Variants in PTPRT observed in about 807,000 individuals in gnomAD.
PTPRT encodes the protein protein tyrosine phosphatase receptor type T.
A neutral mutation model predicts 176.8 loss-of-function variants in PTPRT; 56 were observed. The observed-to-expected ratio is 0.32, with a 90% CI of 0.26 to 0.40. The LOEUF (loss-of-function observed/expected upper bound fraction) is 0.40, where lower values mean the gene tolerates loss of function less well. Among genes scored for constraint, PTPRT ranks in the 10% least tolerant of loss-of-function variants. The probability of loss-of-function intolerance (pLI) is 1.00; values close to 1 mark genes in which losing one functional copy is unlikely to be tolerated. For synonymous variants in PTPRT, 783 were observed against 739.0 expected, an observed-to-expected ratio of 1.06 and a Z score of -0.96; for missense variants, 1,540 against 1,908.2, an observed-to-expected ratio of 0.81 and a Z score of 3.60.
chr20:42,254,713 G>A (rs1268957731), intron 13 of PTPRT, among the ~76,000 whole-genome samples: 3 of 152,094 alleles, frequency 2.0e-5, no homozygotes, highest in East Asian at 1.9e-4. Context: ...CTTTCAATGC[G>A]GCATCATGTT....
intron 1 of PTPRT, among the ~76,000 whole-genome samples, chr20:43,103,360 G>A (rs1305373448): frequency 6.6e-6 from 1 of 152,158 alleles, no homozygotes; most frequent in African/African-American, 2.4e-5. Context: ...AAGTACAATA[G>A]GAACCTACAC....
chr20:43,166,819 G>C (rs1191429429), intron 1 of PTPRT, among the ~76,000 whole-genome samples: 6 of 152,180 alleles, frequency 3.9e-5, no homozygotes, highest in Non-Finnish European at 5.9e-5. Flanking sequence ...CAACACCGGG[G>C]TTATAAATGA....
intron 19 of PTPRT, among the ~76,000 whole-genome samples, chr20:42,122,901 G>C (rs1000657222): frequency 5.9e-5 from 9 of 152,162 alleles, no homozygotes; most frequent in African/African-American, 2.2e-4. Flanking sequence ...CATGCACCCT[G>C]TGCTTCAGCC....
At chr20:43,172,549 G>A (rs2015028238) in intron 1 of PTPRT, among the ~76,000 whole-genome samples, 1 of 152,138 alleles carries the variant, frequency 6.6e-6, no homozygotes, top group African/African-American at 2.4e-5. Context: ...AGGACAATTG[G>A]TCACCCCAGC....
intron 1 of PTPRT, among the ~76,000 whole-genome samples, chr20:42,978,283 T>C (rs562904088): frequency 1.3e-5 from 2 of 152,338 alleles, no homozygotes; most frequent in South Asian, 2.1e-4. Context: ...ATCTTTCTCT[T>C]TATCTCTCTT....
At chr20:42,902,605 C>A (rs1160125476) in intron 1 of PTPRT, among the ~76,000 whole-genome samples, 1 of 152,156 alleles carries the variant, frequency 6.6e-6, no homozygotes, top group East Asian at 1.9e-4. Flanking sequence ...CCATTAGATG[C>A]CAGGTACTTT....
chr20:42,645,560 C>T (rs1034651682), intron 7 of PTPRT, among the ~76,000 whole-genome samples: 2 of 152,066 alleles, frequency 1.3e-5, no homozygotes, highest in Non-Finnish European at 2.9e-5. Flanking sequence ...GGGAACCCAA[C>T]ATAACACATG....
chr20:42,369,595 G>T (rs1439587068), intron 9 of PTPRT, among the ~76,000 whole-genome samples: 2 of 152,200 alleles, frequency 1.3e-5, no homozygotes, highest in African/African-American at 4.8e-5. Context: ...CCCAGAGATA[G>T]TGGGGGCCAG....
At chr20:42,777,384 C>T (rs992299523) in intron 4 of PTPRT, among the ~76,000 whole-genome samples, 1 of 152,168 alleles carries the variant, frequency 6.6e-6, no homozygotes, top group Non-Finnish European at 1.5e-5. Context: ...AGCACCCCTC[C>T]ACCAAATCAC....
intron 2 of PTPRT, among the ~76,000 whole-genome samples, chr20:42,878,253 T>C (rs1277956380): frequency 1.3e-5 from 2 of 152,172 alleles, no homozygotes; most frequent in African/African-American, 4.8e-5. Flanking sequence ...TGGGAAACTA[T>C]GAAACCTTTA....
At chr20:43,077,453 C>T (rs149388958) in intron 1 of PTPRT, among the ~76,000 whole-genome samples, 1 of 152,250 alleles carries the variant, frequency 6.6e-6, no homozygotes, top group African/African-American at 2.4e-5. Context: ...TGGAGTATAG[C>T]GGTGTGGATC....
rs991390862 is a variant in PTPRT at position 42,337,795 on chromosome 20, C to T, written c.1865+12833G>A. Among the ~76,000 whole-genome samples, 29 of 152,152 alleles carry T rather than the reference C, an allele frequency of 1.9e-4. 1 individual carries two copies. The highest frequency in any genetic ancestry group is 1.8e-3 in the Admixed American group (28 of 15,276). The stretch of plus-strand genomic sequence containing the variant: ...TTACTGTCTTACAGGCACAAAATAC[C>T]AGCTTGGAAAATGGTTGAGACTTTG... On this transcript the variant is annotated intron_variant, in intron 11 of 30. Coordinates refer to ENST00000373187, the MANE Select transcript of PTPRT (RefSeq NM_007050.6).
intron 9 of PTPRT, among the ~76,000 whole-genome samples, chr20:42,444,136 T>C (rs1467394): frequency 0.2 from 29,809 of 152,148 alleles, 3,761 homozygotes; most frequent in African/African-American, 0.35. Context: ...CTGTCCTCTG[T>C]GCTCAGGAGG....
intron 12 of PTPRT, among the ~76,000 whole-genome samples, chr20:42,295,968 C>A (rs1484925285): frequency 1.3e-5 from 2 of 152,222 alleles, no homozygotes; most frequent in Admixed American, 6.5e-5. Flanking sequence ...TTTCCTGAGG[C>A]CTCCCCAGCC....
At chr20:42,489,256 C>A (rs1324848292) in intron 7 of PTPRT, among the ~76,000 whole-genome samples, 1 of 152,058 alleles carries the variant, frequency 6.6e-6, no homozygotes, top group Non-Finnish European at 1.5e-5. Context: ...TTGTTCCAGG[C>A]ACATGGTCAG....
At chr20:42,696,705 T>G (rs893582783) in intron 6 of PTPRT, among the ~76,000 whole-genome samples, 2 of 152,040 alleles carry the variant, frequency 1.3e-5, no homozygotes, top group African/African-American at 4.8e-5. Context: ...TCCACCTGCT[T>G]TGGCCTTCCG....
At chr20:42,559,630 A>G (rs1265120696) in intron 7 of PTPRT, among the ~76,000 whole-genome samples, 1 of 152,162 alleles carries the variant, frequency 6.6e-6, no homozygotes, top group Non-Finnish European at 1.5e-5. Context: ...AGTCTCTTCC[A>G]TTGATGCTCT....
chr20:42,316,255 CCTT>C (rs1172608729), intron 11 of PTPRT, among the ~76,000 whole-genome samples: 4 of 152,192 alleles, frequency 2.6e-5, no homozygotes, highest in African/African-American at 9.6e-5. Flanking sequence ...GTCTGCTCCT[CCTT>C]CTACATTTCC....
At chr20:42,965,488 T>C (rs888479990) in intron 1 of PTPRT, among the ~76,000 whole-genome samples, 8 of 152,240 alleles carry the variant, frequency 5.3e-5, no homozygotes, top group Admixed American at 5.2e-4. Context: ...ATAGTGTATA[T>C]AGTTGTAGGT....
Sources: gnomAD v4.1 joint callset for allele counts (sites outside exome capture counted in the v4.1 genomes callset) on GRCh38, gnomAD v4.1.1 for gene constraint, MANE v1.5 for transcripts, NCBI Gene and HGNC (gene_info 2026-07-23, HGNC 2026-07-21) for gene names.